SHROOM2: variants seen among roughly 807,000 people sequenced by gnomAD.
SHROOM2 encodes protein Shroom2.
Under a neutral mutation model 75.9 loss-of-function variants are expected in SHROOM2, and 33 were observed. The ratio of observed to expected loss-of-function variants is 0.43; its 90% confidence interval spans 0.33 to 0.58. The LOEUF (loss-of-function observed/expected upper bound fraction) is 0.58, where lower values mean the gene tolerates loss of function less well. Ranked by LOEUF, SHROOM2 falls within the 20% of genes least tolerant of loss-of-function variation. The pLI, the probability that SHROOM2 is intolerant of heterozygous loss-of-function variation, is 0.04. For missense variants in SHROOM2, 1,434 were observed against 1,461.2 expected (o/e 0.98, Z 0.30); for synonymous variants, 655 against 663.6 (o/e 0.99, Z 0.20).
chrX:9,896,710 G>A lies in SHROOM2; in HGVS notation c.2790+12G>A, dbSNP rs1439123909. On this transcript the variant is annotated intron_variant, in intron 4 of 9. Coordinates refer to ENST00000380913, the MANE Select transcript of SHROOM2 (RefSeq NM_001649.4). The stretch of plus-strand genomic sequence containing the variant: ...ACCACTACAAGCAGGTAAGCATGGA[G>A]CCACAGCCCCCTTGACCATCATCTT... 2 of 1,153,793 alleles carry A rather than the reference G, an allele frequency of 1.7e-6. No individual in the cohort carries two copies. Among genetic ancestry groups the A allele is most frequent in the African/African-American group, 3.6e-5 (2 of 55,986 alleles).
At chrX:9,819,453 T>C in intron 1 of SHROOM2, 1 of 321,224 alleles carries the variant, frequency 3.1e-6, no homozygotes, top group East Asian at 5.9e-5. Context: ...TATGCTGGGG[T>C]TGACGTTGAC....
Position 9,894,447 on chromosome X carries a change from G to T in SHROOM2, c.539G>T (p.Ser180Ile). The T allele has an allele frequency of 8.3e-7, 1 of 1,210,399 alleles. No individual in the cohort carries two copies. Among genetic ancestry groups the T allele is most frequent in the Admixed American group, 2.2e-5 (1 of 45,949 alleles). Residue 180 changes from serine to isoleucine, a missense_variant, in exon 4 of 10, where the codon AGC (serine) becomes ATC (isoleucine). Physicochemically the swap from Ser to Ile is moderately radical, Grantham distance 142. Transcript: ENST00000380913. ...DHFSSLGSVD[S>I]LDHPSSRLSV... ...TTCAGCTCCTTGGGGAGCGTTGACA[G>T]CCTGGACCACCCCTCCAGTCGCCTC...
At chrX:9,820,949 T>C (rs748145978) in intron 1 of SHROOM2, among the ~76,000 whole-genome samples, 1 of 112,469 alleles carries the variant, frequency 8.9e-6, no homozygotes, top group Non-Finnish European at 1.9e-5. Flanking sequence ...AATAAATCTT[T>C]ATTTACAAAA....
At chrX:9,794,958 T>A (rs921743811) in intron 1 of SHROOM2, among the ~76,000 whole-genome samples, 9 of 112,233 alleles carry the variant, frequency 8.0e-5, no homozygotes, top group African/African-American at 2.9e-4. Context: ...TTGGGCGTAG[T>A]CCTGAATGGA....
chrX:9,793,065 A>G (rs1395332168), intron 1 of SHROOM2, among the ~76,000 whole-genome samples: 2 of 111,455 alleles, frequency 1.8e-5, no homozygotes, highest in African/African-American at 3.3e-5. Context: ...GCTCTTGCAC[A>G]GTATGAATTA....
chrX:9,786,447 G>C lies in SHROOM2; in HGVS notation c.-99G>C, dbSNP rs1207170674. On this transcript the variant is annotated 5_prime_UTR_variant, in exon 1 of 10. Transcript: ENST00000380913. ...GGCCGGCACTTTCTTTCCAAGTTAC[G>C]GCGCAAGTTCTGCGGCGCTCGGAGC... The C allele has an allele frequency of 4.5e-6, 3 of 667,346 alleles. No individual in the cohort carries two copies. Among genetic ancestry groups the C allele is most frequent in the African/African-American group, 2.4e-5 (1 of 42,438 alleles). 55.0% of individuals were successfully genotyped at this position (667,346 alleles called of 1,213,427 possible). A position where few individuals can be genotyped will look rare whatever the true frequency, so the allele number is the denominator to read the frequency against.
chrX:9,925,514 G>A (rs758005976), intron 5 of SHROOM2, among the ~76,000 whole-genome samples: 21 of 112,527 alleles, frequency 1.9e-4, no homozygotes, highest in Admixed American at 3.7e-4. Flanking sequence ...AGCTTGAGTT[G>A]ATGTTTGAGT....
intron 2 of SHROOM2, among the ~76,000 whole-genome samples, chrX:9,879,332 C>T (rs6640536): frequency 0.19 from 21,686 of 111,299 alleles, 1,810 homozygotes; most frequent in East Asian, 0.45. Flanking sequence ...AAGATCTCGG[C>T]TCACTGCAAC....
At chrX:9,854,670 C>T (rs2084057452) in intron 1 of SHROOM2, among the ~76,000 whole-genome samples, 1 of 111,172 alleles carries the variant, frequency 9.0e-6, no homozygotes, top group Non-Finnish European at 1.9e-5. Context: ...GACCTCTCAT[C>T]CCACGATTGT....
At chrX:9,933,011 T>C in intron 6 of SHROOM2, 141 bp downstream of exon 6, 1 of 486,740 alleles carries the variant, frequency 2.1e-6, no homozygotes, top group South Asian at 3.9e-5. Flanking sequence ...GGGGAATAAC[T>C]GTGTGGACAG....
chrX:9,810,898 A>C (rs1043941118), intron 1 of SHROOM2, among the ~76,000 whole-genome samples: 2 of 111,634 alleles, frequency 1.8e-5, no homozygotes, highest in African/African-American at 6.5e-5. Flanking sequence ...GAAGGGGAAC[A>C]TGGTAAGACC....
intron 5 of SHROOM2, among the ~76,000 whole-genome samples, chrX:9,924,344 A>T (rs1463068556): frequency 8.9e-6 from 1 of 112,319 alleles, no homozygotes; most frequent in Non-Finnish European, 1.9e-5. Flanking sequence ...GGAAAGTCCT[A>T]TGGTAAATCA....
intron 3 of SHROOM2, among the ~76,000 whole-genome samples, chrX:9,893,450 T>A (rs979982442): frequency 7.2e-5 from 8 of 111,589 alleles, no homozygotes; most frequent in Non-Finnish European, 1.5e-4. Flanking sequence ...AGCTAGTAAA[T>A]GCTTTTGGCT....
intron 2 of SHROOM2, among the ~76,000 whole-genome samples, chrX:9,876,863 G>T (rs955198810): frequency 1.8e-5 from 2 of 112,198 alleles, no homozygotes; most frequent in African/African-American, 6.5e-5. Context: ...GAGTGCAGTG[G>T]TGCGATCATA....
chrX:9,889,112 C>A (rs143501039), intron 2 of SHROOM2, among the ~76,000 whole-genome samples: 243 of 111,788 alleles, frequency 2.2e-3, no homozygotes, highest in African/African-American at 7.5e-3. Context: ...TGAGAAATTC[C>A]ATGAGGTACA....
intron 1 of SHROOM2, among the ~76,000 whole-genome samples, chrX:9,823,755 T>TA (rs2083873116): frequency 2.9e-5 from 2 of 69,660 alleles, no homozygotes; most frequent in Admixed American, 2.1e-4. Flanking sequence ...TTTTCTTTTT[T>TA]CTTTTTTCTT....
intron 1 of SHROOM2, among the ~76,000 whole-genome samples, chrX:9,792,725 A>G (rs911549638): frequency 2.0e-5 from 2 of 101,933 alleles, no homozygotes; most frequent in Non-Finnish European, 4.0e-5. Context: ...ATGATAGCGT[A>G]TTTTTTTTTT....
intron 5 of SHROOM2, among the ~76,000 whole-genome samples, chrX:9,910,505 A>G (rs2084416969): frequency 9.0e-6 from 1 of 110,589 alleles, no homozygotes; most frequent in African/African-American, 3.3e-5. Context: ...CAGGAGTTTG[A>G]GACCAGCCTG....
At chrX:9,805,913 A>C (rs2083749009) in intron 1 of SHROOM2, among the ~76,000 whole-genome samples, 1 of 106,732 alleles carries the variant, frequency 9.4e-6, no homozygotes, top group Admixed American at 1.0e-4. Context: ...CAAAAAAAAA[A>C]AAAAAACAAA....
Sources: allele counts gnomAD v4.1 joint callset (sites outside exome capture counted in the v4.1 genomes callset), GRCh38; gene constraint gnomAD v4.1.1; transcripts MANE v1.5; gene names NCBI Gene and HGNC (gene_info 2026-07-23, HGNC 2026-07-21).